The following CNTN4 variants were observed in gnomAD, a reference collection of about 807,000 sequenced individuals.
CNTN4 encodes the protein contactin 4.
In CNTN4, 77 loss-of-function variants were observed where a neutral mutation model predicts 122.5. The ratio of observed to expected loss-of-function variants is 0.63; its 90% CI spans 0.52 to 0.76. The LOEUF is 0.76. CNTN4 is among the 30% of genes least tolerant of loss of function. CNTN4 has a pLI of 0.00. For synonymous variants in CNTN4, 512 were observed against 447.0 expected, an observed-to-expected ratio of 1.15 and a Z score of -1.83; for missense variants, 1,256 against 1,259.1, an observed-to-expected ratio of 1.00 and a Z score of 0.04.
chr3:2,853,237 TTTTTG>T (rs1292296137), intron 7 of CNTN4, among the ~76,000 whole-genome samples: 6 of 152,036 alleles, frequency 3.9e-5, no homozygotes, highest in Admixed American at 2.6e-4. Context: ...GAATTTATTG[TTTTTG>T]TTTTGTTTTG....
At chr3:2,629,684 C>T (rs1432769224) in intron 4 of CNTN4, 1 of 342,464 alleles carries the variant, frequency 2.9e-6, no homozygotes, top group Admixed American at 4.0e-5. Flanking sequence ...ATTCCTGATA[C>T]ATCTCTCTAG....
intron 3 of CNTN4, among the ~76,000 whole-genome samples, chr3:2,441,598 T>A (rs1008286318): frequency 1.3e-5 from 2 of 152,204 alleles, no homozygotes; most frequent in African/African-American, 4.8e-5. Context: ...TTAATTTTGA[T>A]TCCTGCAGTG....
chr3:2,645,011 G>T (rs2083057876), intron 4 of CNTN4, among the ~76,000 whole-genome samples: 1 of 151,724 alleles, frequency 6.6e-6, no homozygotes, highest in African/African-American at 2.4e-5. Flanking sequence ...GATGGGTGTG[G>T]AGGAGCATTG....
chr3:2,332,674 G>A (rs2043780550), intron 2 of CNTN4, among the ~76,000 whole-genome samples: 2 of 137,368 alleles, frequency 1.5e-5, no homozygotes, highest in Admixed American at 1.6e-4. Context: ...TGAACAATGA[G>A]AACACATGGA....
intron 13 of CNTN4, among the ~76,000 whole-genome samples, chr3:2,984,162 A>G (rs1694330436): frequency 6.6e-6 from 1 of 152,246 alleles, no homozygotes; most frequent in African/African-American, 2.4e-5. Flanking sequence ...AGAGCCTTCT[A>G]CTACGACTGT....
At chr3:2,153,494 A>G in intron 2 of CNTN4, among the ~76,000 whole-genome samples, 1 of 152,192 alleles carries the variant, frequency 6.6e-6, no homozygotes, top group Non-Finnish European at 1.5e-5. Context: ...TTGGAGGTGC[A>G]AGCCTGATTA....
At chr3:2,978,130 C>T (rs937411121) in intron 13 of CNTN4, among the ~76,000 whole-genome samples, 4 of 152,166 alleles carry the variant, frequency 2.6e-5, no homozygotes, top group African/African-American at 9.7e-5. Flanking sequence ...GAGTATAGAT[C>T]TTTATTGTTG....
intron 3 of CNTN4, among the ~76,000 whole-genome samples, chr3:2,378,017 T>A (rs1559500121): frequency 6.6e-6 from 1 of 152,228 alleles, no homozygotes; most frequent in Non-Finnish European, 1.5e-5. Flanking sequence ...GTTGTCTGTA[T>A]GAGATGGCAT....
chr3:2,740,860 A>C (rs1559452251), intron 5 of CNTN4, among the ~76,000 whole-genome samples: 1 of 152,150 alleles, frequency 6.6e-6, no homozygotes, highest in Non-Finnish European at 1.5e-5. Flanking sequence ...TTATTTTAGA[A>C]TTTACTTTAC....
At chr3:2,744,309 T>C (rs887323169) in intron 5 of CNTN4, among the ~76,000 whole-genome samples, 2 of 152,082 alleles carry the variant, frequency 1.3e-5, no homozygotes, top group African/African-American at 4.8e-5. Flanking sequence ...TAAATCCTTT[T>C]ACATTATGTA....
At chr3:2,692,959 C>T (rs1439429864) in intron 4 of CNTN4, among the ~76,000 whole-genome samples, 1 of 151,924 alleles carries the variant, frequency 6.6e-6, no homozygotes, top group African/African-American at 2.4e-5. Context: ...TAGGAAAATT[C>T]TCAAACCTAT....
intron 3 of CNTN4, among the ~76,000 whole-genome samples, chr3:2,353,395 T>C (rs537423862): frequency 6.6e-6 from 1 of 152,286 alleles, no homozygotes; most frequent in Admixed American, 6.5e-5. Flanking sequence ...ATCCCTGCAG[T>C]GGCAACCGGG....
chr3:2,423,306 G>T (rs995939025), intron 3 of CNTN4, among the ~76,000 whole-genome samples: 1 of 152,124 alleles, frequency 6.6e-6, no homozygotes, highest in South Asian at 2.1e-4. Flanking sequence ...CTGCCTTTGG[G>T]ATCACACGCT....
At chr3:3,005,113 A>G (rs552566253) in intron 14 of CNTN4, among the ~76,000 whole-genome samples, 292 of 152,218 alleles carry the variant, frequency 1.9e-3, no homozygotes, top group Non-Finnish European at 3.4e-3. Flanking sequence ...AGTTCTTCCC[A>G]TCTTCTTCCT....
At chr3:2,347,207 AAC>A (rs1311008661) in intron 3 of CNTN4, among the ~76,000 whole-genome samples, 6 of 152,148 alleles carry the variant, frequency 3.9e-5, no homozygotes, top group Non-Finnish European at 8.8e-5. Context: ...TCTCTCATGC[AAC>A]ATTCTCAATG....
chr3:2,368,197 A>T (rs1441130058), intron 3 of CNTN4, among the ~76,000 whole-genome samples: 1 of 71,262 alleles, frequency 1.4e-5, no homozygotes, highest in African/African-American at 4.9e-5. Flanking sequence ...ACGCCCAGCT[A>T]ATTTTTTTGT....
intron 16 of CNTN4, 136 bp downstream of exon 16, chr3:3,031,111 A>T: frequency 8.7e-7 from 1 of 1,147,070 alleles, no homozygotes; most frequent in African/African-American, 1.5e-5. Context: ...AACAGTGGCT[A>T]ACAGTCCACA....
At chr3:2,607,796 T>C (rs2149798034) in intron 4 of CNTN4, among the ~76,000 whole-genome samples, 1 of 152,314 alleles carries the variant, frequency 6.6e-6, no homozygotes, top group Non-Finnish European at 1.5e-5. Flanking sequence ...ATCTGTACAA[T>C]GTTCTTACCT....
chr3:2,976,819 T>G (rs1285512440), intron 13 of CNTN4, among the ~76,000 whole-genome samples: 1 of 152,196 alleles, frequency 6.6e-6, no homozygotes, highest in Non-Finnish European at 1.5e-5. Flanking sequence ...AAATACCTTT[T>G]GAATTTTATG....
Sources: gnomAD v4.1 joint callset for allele counts (sites outside exome capture counted in the v4.1 genomes callset) on GRCh38, gnomAD v4.1.1 for gene constraint, MANE v1.5 for transcripts, NCBI Gene and HGNC (gene_info 2026-07-23, HGNC 2026-07-21) for gene names.